Variants in EHBP1 observed in about 807,000 individuals in gnomAD.
The protein encoded by EHBP1 is EH domain-binding protein 1.
EHBP1 carries 55 observed loss-of-function variants against 144.0 expected under a neutral mutation model. The ratio of observed to expected loss-of-function variants is 0.38; its 90% CI spans 0.31 to 0.48. The LOEUF (loss-of-function observed/expected upper bound fraction) is 0.48, where lower values mean the gene tolerates loss of function less well. Ranked by LOEUF, EHBP1 falls within the 20% of genes least tolerant of loss-of-function variation. EHBP1 has a pLI of 0.98. For synonymous variants in EHBP1, 469 were observed against 472.7 expected (o/e 0.99, Z 0.10); for missense variants, 1,200 against 1,364.2 (o/e 0.88, Z 1.90).
chr2:62,783,249 C>T (rs553901138), intron 5 of EHBP1, among the ~76,000 whole-genome samples: 9 of 152,194 alleles, frequency 5.9e-5, no homozygotes, highest in Non-Finnish European at 8.8e-5. Flanking sequence ...GCTGCTTTCA[C>T]GGGCTGTCAT....
chr2:62,890,172 G>T (rs1287698580), intron 10 of EHBP1, among the ~76,000 whole-genome samples: 1 of 152,008 alleles, frequency 6.6e-6, no homozygotes, highest in Non-Finnish European at 1.5e-5. Context: ...TCCAGACCTT[G>T]TGATCTGCCC....
chr2:62,847,591 T>G (rs1017662664), intron 7 of EHBP1, among the ~76,000 whole-genome samples: 11 of 152,288 alleles, frequency 7.2e-5, no homozygotes, highest in African/African-American at 2.6e-4. Context: ...TCCTAGCTAC[T>G]GGGAGGCTGA....
intron 10 of EHBP1, among the ~76,000 whole-genome samples, chr2:62,930,746 AAG>A (rs2055921210): frequency 6.6e-6 from 1 of 152,184 alleles, no homozygotes; most frequent in African/African-American, 2.4e-5. Context: ...GATTTTCAAC[AAG>A]AGAGTCAGGA....
chr2:62,788,385 A>G (rs1428089254), intron 5 of EHBP1, among the ~76,000 whole-genome samples: 2 of 151,826 alleles, frequency 1.3e-5, no homozygotes, highest in East Asian at 3.9e-4. Flanking sequence ...AAAGAACTAA[A>G]CTTTGATAGT....
chr2:62,948,638 G>A lies in EHBP1; in HGVS notation c.1792G>A (p.Asp598Asn), dbSNP rs1467042193. Reference protein sequence around the residue: ...ESESEHQTPDDHLSPSTASPY... With the variant: ...ESESEHQTPDNHLSPSTASPY... ...AGAAAGTGAGCATCAAACTCCTGAT[G>A]ATCACCTTAGTCCAAGCACAGCCTC... Residue 598 changes from aspartate (D) to asparagine (N), a missense_variant, in exon 13 of 23, where the codon GAT becomes AAT. Asp to Asn is a conservative substitution (Grantham distance 23, BLOSUM62 1). Coordinates refer to ENST00000431489, the MANE Select transcript of EHBP1 (RefSeq NM_001142616.3). The A allele has an allele frequency of 6.2e-7, 1 of 1,613,896 alleles. No individual in the cohort carries two copies. Among genetic ancestry groups the A allele is most frequent in the Non-Finnish European group, 8.5e-7 (1 of 1,179,978 alleles).
At chr2:62,706,450 G>C (rs1187050983) in intron 1 of EHBP1, 1 of 152,166 alleles carries the variant, frequency 6.6e-6, no homozygotes, top group Admixed American at 6.5e-5. Flanking sequence ...ATTCCTCCTG[G>C]CTCCCTAATT....
intron 10 of EHBP1, among the ~76,000 whole-genome samples, chr2:62,906,329 A>G (rs1558891425): frequency 6.6e-6 from 1 of 152,304 alleles, no homozygotes; most frequent in East Asian, 1.9e-4. Flanking sequence ...TTTACACAGT[A>G]TCACACTATC....
intron 19 of EHBP1, among the ~76,000 whole-genome samples, chr2:63,002,208 T>C (rs1343430483): frequency 6.6e-6 from 1 of 152,194 alleles, no homozygotes; most frequent in Non-Finnish European, 1.5e-5. Flanking sequence ...AGTCTGGGAC[T>C]AGCTACTTAG....
intron 10 of EHBP1, among the ~76,000 whole-genome samples, chr2:62,874,850 G>A (rs768188299): frequency 2.6e-5 from 4 of 152,066 alleles, no homozygotes; most frequent in Non-Finnish European, 4.4e-5. Context: ...CAGCAGACAG[G>A]CCCCTGCTGA....
intron 9 of EHBP1, among the ~76,000 whole-genome samples, chr2:62,869,836 T>TTA (rs1316466959): frequency 6.6e-6 from 1 of 152,246 alleles, no homozygotes; most frequent in African/African-American, 2.4e-5. Flanking sequence ...AATCTTTAAC[T>TTA]TTAATAGCAG....
At chr2:62,936,588 A>G (rs1282957357) in intron 10 of EHBP1, among the ~76,000 whole-genome samples, 1 of 152,168 alleles carries the variant, frequency 6.6e-6, no homozygotes, top group African/African-American at 2.4e-5. Context: ...GACTACCATT[A>G]TAAAAACAGC....
chr2:62,885,737 TTC>T (rs2051869580), intron 10 of EHBP1, among the ~76,000 whole-genome samples: 1 of 152,114 alleles, frequency 6.6e-6, no homozygotes, highest in Non-Finnish European at 1.5e-5. Flanking sequence ...AAACTTACAG[TTC>T]TCTGATTGCA....
At chr2:62,853,768 C>T (rs2048841435) in intron 7 of EHBP1, among the ~76,000 whole-genome samples, 1 of 152,198 alleles carries the variant, frequency 6.6e-6, no homozygotes, top group African/African-American at 2.4e-5. Context: ...GCAGAAACAA[C>T]ACTAATCACC....
At chr2:62,992,058 T>C (rs2153223498) in intron 16 of EHBP1, among the ~76,000 whole-genome samples, 1 of 152,304 alleles carries the variant, frequency 6.6e-6, no homozygotes, top group East Asian at 1.9e-4. Context: ...CTAACTGAAT[T>C]AGTGGGTTTA....
chr2:62,731,288 G>C (rs1422640351), intron 2 of EHBP1, among the ~76,000 whole-genome samples: 1 of 152,082 alleles, frequency 6.6e-6, no homozygotes, highest in Non-Finnish European at 1.5e-5. Context: ...TGCTATGATT[G>C]CTTATGTATT....
rs1409986146 is a variant in EHBP1, at chr2:63,024,142, G to A, written c.3104-13393G>A. On this transcript the variant is annotated intron_variant, in intron 19 of 22. Transcript: ENST00000431489. The stretch of plus-strand genomic sequence containing the variant: ...GGGCGGATCATGAGGTCAGGAGTTC[G>A]AGACCAGCCTGGCCAACATGGTGAA... Among the ~76,000 whole-genome samples, 7 of 152,010 alleles carry A rather than the reference G, an allele frequency of 4.6e-5. No homozygotes were observed. In the South Asian group the frequency reaches 6.2e-4, roughly 13 times the overall value.
At chr2:62,901,202 C>T (rs1397881390) in intron 10 of EHBP1, among the ~76,000 whole-genome samples, 2 of 152,076 alleles carry the variant, frequency 1.3e-5, no homozygotes, top group Admixed American at 6.6e-5. Flanking sequence ...TGATGAGTTA[C>T]GAGCCTATTA....
chr2:62,993,417 G>A, intron 16 of EHBP1, 113 bp from the exon 17 acceptor site: 3 of 999,230 alleles, frequency 3.0e-6, no homozygotes, highest in African/African-American at 1.6e-5. Context: ...TCCTTTTCTT[G>A]CAAAAAGTTT....
intron 19 of EHBP1, among the ~76,000 whole-genome samples, chr2:63,020,731 T>A (rs1045550208): frequency 6.6e-6 from 1 of 151,578 alleles, no homozygotes; most frequent in Non-Finnish European, 1.5e-5. Flanking sequence ...TAGGCTGGAG[T>A]GCAGTAGCGC....
Sources: gnomAD v4.1 joint callset for allele counts (sites outside exome capture counted in the v4.1 genomes callset) on GRCh38, gnomAD v4.1.1 for gene constraint, MANE v1.5 for transcripts, NCBI Gene and HGNC (gene_info 2026-07-23, HGNC 2026-07-21) for gene names.